The following ZNG1A variants were observed in gnomAD, a reference collection of about 807,000 sequenced individuals.
ZNG1A encodes zinc-regulated GTPase metalloprotein activator 1A.
chr9:173,696 T>C, the ZNG1A span, among the ~76,000 whole-genome samples: 1 of 152,158 alleles, frequency 6.6e-6, no homozygotes, highest in Admixed American at 6.5e-5. Context: ...GTAAACTTTC[T>C]AAATAGACCA....
At chr9:132,345 T>C in the ZNG1A span, among the ~76,000 whole-genome samples, 3 of 114,476 alleles carry the variant, frequency 2.6e-5, no homozygotes, top group Admixed American at 9.5e-5. Flanking sequence ...TGAAACCCCA[T>C]CTCTACTAAA....
the ZNG1A span, among the ~76,000 whole-genome samples, chr9:175,021 T>A: frequency 6.6e-6 from 1 of 152,144 alleles, no homozygotes; most frequent in East Asian, 1.9e-4. Context: ...AACAGAAGCA[T>A]TTTCAAGTAT....
At chr9:143,645 T>C in the ZNG1A span, among the ~76,000 whole-genome samples, 1 of 125,662 alleles carries the variant, frequency 8.0e-6, no homozygotes. Context: ...AAGACAGGGA[T>C]GCCCTCTCTC....
chr9:140,196 C>T, the ZNG1A span, among the ~76,000 whole-genome samples: 34 of 151,598 alleles, frequency 2.2e-4, no homozygotes, highest in East Asian at 3.9e-4. Flanking sequence ...CTGTAGGCTC[C>T]ACCTCTGGGG....
chr9:150,049 T>G, the ZNG1A span: 3 of 151,734 alleles, frequency 2.0e-5, no homozygotes, highest in African/African-American at 4.8e-5. Context: ...GTAAAAAAAT[T>G]TTAAACAAAA....
chr9:141,917 A>G, the ZNG1A span, among the ~76,000 whole-genome samples: 7 of 151,898 alleles, frequency 4.6e-5, no homozygotes, highest in East Asian at 7.7e-4. Context: ...ACAGACTTTC[A>G]ACCAACAAAG....
the ZNG1A span, chr9:156,460 A>T: frequency 6.3e-7 from 1 of 1,584,852 alleles, no homozygotes; most frequent in Non-Finnish European, 8.5e-7. Flanking sequence ...AGCAATCAAT[A>T]TATACTTTAA....
chr9:175,231 A>T, the ZNG1A span, among the ~76,000 whole-genome samples: 1 of 152,112 alleles, frequency 6.6e-6, no homozygotes, highest in Non-Finnish European at 1.5e-5. Flanking sequence ...TACAAAAATT[A>T]TCTGGGCATG....
At chr9:133,601 T>C in the ZNG1A span, among the ~76,000 whole-genome samples, 1 of 137,486 alleles carries the variant, frequency 7.3e-6, no homozygotes, top group South Asian at 2.7e-4. Context: ...TTTATATCTT[T>C]GAAATCTTCC....
chr9:165,298 T>A, the ZNG1A span, among the ~76,000 whole-genome samples: 1 of 151,654 alleles, frequency 6.6e-6, no homozygotes, highest in Admixed American at 6.6e-5. Flanking sequence ...CATACATAAA[T>A]CATTTTGTAA....
the ZNG1A span, among the ~76,000 whole-genome samples, chr9:126,934 T>C: frequency 3.9e-5 from 6 of 152,278 alleles, no homozygotes; most frequent in African/African-American, 1.4e-4. Flanking sequence ...CTTGATTTCA[T>C]CTTTGACCCA....
chr9:171,509 T>C, the ZNG1A span: 3 of 152,760 alleles, frequency 2.0e-5, no homozygotes, highest in Non-Finnish European at 4.4e-5. Context: ...AGGTTGACTC[T>C]GTGTAGCTTT....
chr9:172,854 T>G, the ZNG1A span: 1 of 255,296 alleles, frequency 3.9e-6, no homozygotes, highest in Non-Finnish European at 7.6e-6. Context: ...TATGGTAGAC[T>G]AGTGAACACT....
chr9:158,475 G>A, the ZNG1A span, among the ~76,000 whole-genome samples: 3 of 150,088 alleles, frequency 2.0e-5, no homozygotes, highest in East Asian at 3.9e-4. Flanking sequence ...ATGAAATTGC[G>A]GTTATTTGGC....
At chr9:126,471 T>G in the ZNG1A span, among the ~76,000 whole-genome samples, 299 of 151,842 alleles carry the variant, frequency 2.0e-3, 4 homozygotes, top group Non-Finnish European at 2.7e-3. Flanking sequence ...TCCATCTATT[T>G]TAGGTTTTCT....
the ZNG1A span, chr9:154,469 T>G: frequency 1.9e-6 from 1 of 522,590 alleles, no homozygotes; most frequent in Non-Finnish European, 3.3e-6. Flanking sequence ...AAAGATGGAG[T>G]GCGAAGACCC....
At chr9:126,849 G>A in the ZNG1A span, among the ~76,000 whole-genome samples, 102 of 152,006 alleles carry the variant, frequency 6.7e-4, no homozygotes, top group African/African-American at 2.3e-3. Flanking sequence ...TCTTAGCACC[G>A]CCTCTGCTGT....
At chr9:129,289 G>A in the ZNG1A span, among the ~76,000 whole-genome samples, 1 of 152,146 alleles carries the variant, frequency 6.6e-6, no homozygotes, top group Admixed American at 6.5e-5. Context: ...AATAGGAAAA[G>A]CAGAAAAGTG....
the ZNG1A span, among the ~76,000 whole-genome samples, chr9:124,065 G>C: frequency 6.6e-6 from 1 of 152,182 alleles, no homozygotes; most frequent in East Asian, 1.9e-4. Flanking sequence ...CGATGAGAAT[G>C]ATAGGATAAT....
Sources: gnomAD v4.1 joint callset for allele counts (sites outside exome capture counted in the v4.1 genomes callset) on GRCh38, gnomAD v4.1.1 for gene constraint, MANE v1.5 for transcripts, NCBI Gene and HGNC (gene_info 2026-07-23, HGNC 2026-07-21) for gene names.